The following UCHL1 variants were observed in gnomAD, a reference collection of about 807,000 sequenced individuals.
UCHL1 encodes ubiquitin carboxyl-terminal hydrolase isozyme L1.
UCHL1 carries 5 observed loss-of-function variants against 33.3 expected under a neutral mutation model. That is an observed-to-expected ratio of 0.15 (90% CI 0.08 to 0.32). UCHL1 has a LOEUF of 0.32. UCHL1 is among the 10% of genes least tolerant of loss of function. The probability of loss-of-function intolerance (pLI) is 1.00; values close to 1 mark genes in which losing one functional copy is unlikely to be tolerated. For missense variants in UCHL1, 236 were observed against 280.0 expected (o/e 0.84, Z 1.12); for synonymous variants, 132 against 108.8 (o/e 1.21, Z -1.33).
chr4:41,261,232 C>T (rs568474277), intron 4 of UCHL1, among the ~76,000 whole-genome samples: 1 of 152,066 alleles, frequency 6.6e-6, no homozygotes, highest in Non-Finnish European at 1.5e-5. Flanking sequence ...AATTTTCTAC[C>T]CCATAATCTT....
At chr4:41,258,597 G>A (rs943646772) in intron 3 of UCHL1, among the ~76,000 whole-genome samples, 61 of 152,032 alleles carry the variant, frequency 4.0e-4, no homozygotes, top group African/African-American at 1.4e-3. Context: ...TCCTATTGCT[G>A]TCACTTGACC....
At chr4:41,257,527 G>T in intron 2 of UCHL1, 82 bp from the exon 3 acceptor site, 4 of 1,375,842 alleles carry the variant, frequency 2.9e-6, no homozygotes, top group South Asian at 1.7e-5. Flanking sequence ...CGGAGGGCGC[G>T]CGCCTCCTGG....
At chr4:41,259,019 G>GGT (rs892414457) in intron 3 of UCHL1, among the ~76,000 whole-genome samples, 6 of 152,196 alleles carry the variant, frequency 3.9e-5, no homozygotes, top group African/African-American at 1.4e-4. Context: ...GGGAGGCAGT[G>GGT]GTGCAGCATG....
At position 41,261,140 on chromosome 4, in the gene UCHL1, T is replaced by C. The variant is rs535147666; in HGVS notation, c.325+343T>C. Among the ~76,000 whole-genome samples, 13 of 152,334 alleles carry C rather than the reference T, an allele frequency of 8.5e-5. No homozygotes were observed. The East Asian group carries it at 2.5e-3, about 29-fold the overall frequency. On this transcript the variant is annotated intron_variant, in intron 4 of 8. Transcript: ENST00000284440. ...GTCAGTGGTTAGCCAGTCAGATGTC[T>C]CTATGCTGGACTATTTTGTTTCTTT...
At chr4:41,257,762 C>A (rs766097323) in intron 3 of UCHL1, 25 bp downstream of exon 3, 17 of 1,552,148 alleles carry the variant, frequency 1.1e-5, no homozygotes, top group Non-Finnish European at 1.5e-5. Flanking sequence ...CCAGGATGCG[C>A]CGGCCGCCGG....
chr4:41,257,638 G>A lies in UCHL1; in HGVS notation c.75G>A (p.Gln25=), dbSNP rs1781002123. The A allele has an allele frequency of 1.3e-6, 2 of 1,561,028 alleles. No individual in the cohort carries two copies. The highest frequency in any genetic ancestry group is 1.7e-6 in the Non-Finnish European group (2 of 1,158,456). Residue 25 remains glutamine, a synonymous_variant, in exon 3 of 9, where the codon CAG becomes CAA. Transcript: ENST00000284440. The part of the protein sequence containing the change: ...KVLSRLGVAG[Q]WRFVDVLGLE... Reference sequence around the variant, plus strand: ...TGTCCCGGCTGGGGGTCGCCGGCCAGTGGCGCTTCGTGGACGTGCTGGGGC... The same window carrying A: ...TGTCCCGGCTGGGGGTCGCCGGCCAATGGCGCTTCGTGGACGTGCTGGGGC...
At chr4:41,257,035 G>A (rs766500601) in intron 1 of UCHL1, 26 bp downstream of exon 1, 2 of 1,614,226 alleles carry the variant, frequency 1.2e-6, no homozygotes, top group Non-Finnish European at 1.7e-6. Flanking sequence ...ACCGCTACCC[G>A]GAGAGCGCGA....
At chr4:41,264,058 G>GA (rs779228854) in intron 7 of UCHL1, 45 bp from the exon 8 acceptor site, 2 of 1,613,950 alleles carry the variant, frequency 1.2e-6, no homozygotes, top group Non-Finnish European at 1.7e-6. Flanking sequence ...ACGGTAGCCA[G>GA]AAAACATGCA....
chr4:41,267,897 TG>T (rs1315786599), intron 8 of UCHL1, 89 bp from the exon 9 acceptor site: 1 of 1,166,998 alleles, frequency 8.6e-7, no homozygotes, highest in Non-Finnish European at 1.3e-6. Context: ...GGGTGAACTT[TG>T]AGCATTAATA....
chr4:41,264,204 C>G (rs369690142), intron 8 of UCHL1, 43 bp downstream of exon 8: 1 of 1,612,476 alleles, frequency 6.2e-7, no homozygotes, highest in Non-Finnish European at 8.5e-7. Flanking sequence ...CCTCACAATT[C>G]TTTGGCTAAA....
chr4:41,263,215 CT>C lies in UCHL1; in HGVS notation c.460-7del, dbSNP rs749419709. ...ACACTCATTTTCAAAAATTTCTTGA[CT>C]TTCTTTAGGTAGATGACAAGGTGAA... is the stretch of plus-strand genomic sequence containing the variant. On this transcript the variant is annotated splice_polypyrimidine_tract_variant and intron_variant, in intron 6 of 8. Transcript: ENST00000284440. The C allele has an allele frequency of 4.3e-6, 7 of 1,612,924 alleles. No individual in the cohort carries two copies. The South Asian group carries it at 5.5e-5, about 13-fold the overall frequency.
chr4:41,265,527 C>T (rs575128484), intron 8 of UCHL1, among the ~76,000 whole-genome samples: 24 of 152,134 alleles, frequency 1.6e-4, no homozygotes, highest in Middle Eastern at 3.4e-3. Flanking sequence ...TGCAGTGAGC[C>T]GAGATTGCAC....
chr4:41,260,613 T>C, intron 3 of UCHL1, 34 bp from the exon 4 acceptor site: 5 of 1,613,062 alleles, frequency 3.1e-6, no homozygotes, highest in Non-Finnish European at 4.2e-6. Flanking sequence ...TGCACTTTCA[T>C]TCTGAGATGT....
At chr4:41,262,057 C>A (rs1247657074) in intron 6 of UCHL1, 134 bp downstream of exon 6, 2 of 1,272,190 alleles carry the variant, frequency 1.6e-6, no homozygotes, top group Non-Finnish European at 2.2e-6. Context: ...AAAGTTCTAC[C>A]CAAATAATGC....
At chr4:41,265,191 C>T (rs1373238320) in intron 8 of UCHL1, among the ~76,000 whole-genome samples, 2 of 151,988 alleles carry the variant, frequency 1.3e-5, no homozygotes, top group Non-Finnish European at 2.9e-5. Context: ...TTTAATGACA[C>T]AGTGAGGTAG....
Position 41,268,020 on chromosome 4 carries a change from C to A in UCHL1, c.619C>A (p.Arg207Ser). 1 of 1,613,642 alleles carries A rather than the reference C, an allele frequency of 6.2e-7. No individual in the cohort carries two copies. Among genetic ancestry groups the A allele is most frequent in the Non-Finnish European group, 8.5e-7 (1 of 1,179,870 alleles). Residue 207 changes from arginine to serine, a missense_variant, in exon 9 of 9, where the codon CGT becomes AGT. Arg to Ser is a moderately radical substitution (Grantham distance 110, BLOSUM62 -1). Coordinates refer to ENST00000284440, the MANE Select transcript of UCHL1 (RefSeq NM_004181.5). ...CAAGGTCTGCAGAGAATTCACCGAG[C>A]GTGAGCAAGGAGAAGTCCGCTTCTC... Reference protein sequence around the residue: ...AAKVCREFTEREQGEVRFSAV... With the variant: ...AAKVCREFTESEQGEVRFSAV...
intron 4 of UCHL1, among the ~76,000 whole-genome samples, 174 bp downstream of exon 4, chr4:41,260,971 C>T (rs1781060074): frequency 6.6e-6 from 1 of 152,172 alleles, no homozygotes; most frequent in South Asian, 2.1e-4. Flanking sequence ...CCTAGCACTT[C>T]CAAATTTTGA....
chr4:41,258,715 T>G (rs1176866731), intron 3 of UCHL1, among the ~76,000 whole-genome samples: 9 of 152,218 alleles, frequency 5.9e-5, no homozygotes, highest in African/African-American at 2.2e-4. Context: ...TGGAAGCATC[T>G]GTAGCCAAAA....
chr4:41,258,857 A>T (rs543209649), intron 3 of UCHL1, among the ~76,000 whole-genome samples: 1 of 152,352 alleles, frequency 6.6e-6, no homozygotes, highest in East Asian at 1.9e-4. Context: ...TACTTGGGCT[A>T]AAAGGAAGAT....
Sources: gnomAD v4.1 joint callset for allele counts (sites outside exome capture counted in the v4.1 genomes callset) on GRCh38, gnomAD v4.1.1 for gene constraint, MANE v1.5 for transcripts, NCBI Gene and HGNC (gene_info 2026-07-23, HGNC 2026-07-21) for gene names.